The following PRP4K variants were observed in gnomAD, a reference collection of about 807,000 sequenced individuals.
The protein encoded by PRP4K is pre-mRNA processing factor kinase PRP4K, also known as serine/threonine-protein kinase PRP4 homolog.
the PRP4K span, chr6:4,064,115 A>G: frequency 6.6e-6 from 1 of 152,290 alleles, no homozygotes; most frequent in Admixed American, 6.5e-5. Context: ...TCACCCTTAA[A>G]TCGTTATTAA....
At chr6:4,063,731 T>C in the PRP4K span, 1 of 152,132 alleles carries the variant, frequency 6.6e-6, no homozygotes, top group Non-Finnish European at 1.5e-5. Context: ...TTTCCTACAC[T>C]CTGTAATTTT....
chr6:4,031,515 T>G, the PRP4K span: 3 of 1,339,470 alleles, frequency 2.2e-6, no homozygotes, highest in South Asian at 4.7e-5. Context: ...CTTTGAATAC[T>G]TGATAAATGA....
the PRP4K span, chr6:4,031,785 G>C: frequency 1.2e-6 from 2 of 1,610,726 alleles, no homozygotes; most frequent in South Asian, 1.1e-5. Context: ...TTCTGATAAA[G>C]AGGGTATGTC....
the PRP4K span, chr6:4,049,476 T>C: frequency 1.2e-5 from 6 of 483,900 alleles, no homozygotes; most frequent in Admixed American, 1.1e-4. Flanking sequence ...GGGACTACAA[T>C]TGGAAAAACT....
At chr6:4,064,131 C>T in the PRP4K span, 3 of 152,392 alleles carry the variant, frequency 2.0e-5, no homozygotes, top group African/African-American at 7.2e-5. Flanking sequence ...ATTAATACAT[C>T]CTGTTTTCTT....
the PRP4K span, among the ~76,000 whole-genome samples, chr6:4,038,691 T>C: frequency 2.0e-5 from 3 of 152,130 alleles, no homozygotes; most frequent in Non-Finnish European, 4.4e-5. Flanking sequence ...GAGCAAATAG[T>C]TGGGAGAGGA....
the PRP4K span, chr6:4,044,081 T>C: frequency 2.0e-6 from 3 of 1,511,474 alleles, no homozygotes; most frequent in Admixed American, 3.4e-5. Flanking sequence ...TGTAACTTTA[T>C]AATAAGAGAC....
chr6:4,052,880 C>G, the PRP4K span: 1 of 1,602,510 alleles, frequency 6.2e-7, no homozygotes, highest in Non-Finnish European at 8.5e-7. Context: ...CCTGGTAAGT[C>G]AAACAGCCAA....
chr6:4,038,900 CT>C, the PRP4K span, among the ~76,000 whole-genome samples: 1 of 145,292 alleles, frequency 6.9e-6, no homozygotes, highest in Non-Finnish European at 1.5e-5. Context: ...AGTTTATGGC[CT>C]TCTGGGAAAT....
chr6:4,050,321 C>T, the PRP4K span: 2 of 1,120 alleles, frequency 1.8e-3, 1 homozygote, highest in Non-Finnish European at 5.8e-3. Flanking sequence ...CCACCGCGCC[C>T]GGCCAGGAAA....
the PRP4K span, among the ~76,000 whole-genome samples, chr6:4,026,617 A>G: frequency 6.6e-6 from 1 of 152,096 alleles, no homozygotes; most frequent in African/African-American, 2.4e-5. Context: ...GTTATTCTAT[A>G]TATATAATTA....
the PRP4K span, among the ~76,000 whole-genome samples, chr6:4,037,131 T>A: frequency 2.0e-5 from 3 of 152,116 alleles, no homozygotes; most frequent in Non-Finnish European, 4.4e-5. Flanking sequence ...TTATTTGAAA[T>A]TAGAATCAGT....
the PRP4K span, among the ~76,000 whole-genome samples, chr6:4,038,814 T>G: frequency 6.6e-6 from 1 of 152,088 alleles, no homozygotes; most frequent in Non-Finnish European, 1.5e-5. Context: ...GTTCTGAAAT[T>G]TATTATGTGC....
chr6:4,060,306 G>GTA, the PRP4K span: 1 of 967,298 alleles, frequency 1.0e-6, no homozygotes, highest in Non-Finnish European at 1.5e-6. The surrounding 1 kb of genome is among the most constrained non-coding windows in gnomAD (Gnocchi z 4.7). Flanking sequence ...TATTTTGTAT[G>GTA]TATATGCATG....
the PRP4K span, chr6:4,032,864 A>T: frequency 8.2e-7 from 1 of 1,221,644 alleles, no homozygotes; most frequent in Non-Finnish European, 1.1e-6. Context: ...AAATAAAAAT[A>T]AATGAAGTAG....
chr6:4,047,199 C>A, the PRP4K span: 1 of 1,612,096 alleles, frequency 6.2e-7, no homozygotes, highest in African/African-American at 1.3e-5. Flanking sequence ...AAGTTGTTGG[C>A]ACCTGATATG....
chr6:4,021,555 AC>A, the PRP4K span: 1 of 1,518,400 alleles, frequency 6.6e-7, no homozygotes, highest in Non-Finnish European at 8.9e-7. Context: ...TTCGGGCCTA[AC>A]GGCGAGAGTC....
the PRP4K span, among the ~76,000 whole-genome samples, chr6:4,034,097 T>A: frequency 6.6e-6 from 1 of 152,206 alleles, no homozygotes; most frequent in African/African-American, 2.4e-5. Context: ...CTACCACTCC[T>A]TAGAAATTTA....
chr6:4,056,997 C>G, the PRP4K span: 1 of 1,494,596 alleles, frequency 6.7e-7, no homozygotes, highest in Non-Finnish European at 9.0e-7. Context: ...CGTCAGTTTT[C>G]TCTATCCTCG....
Sources: allele counts gnomAD v4.1 joint callset (sites outside exome capture counted in the v4.1 genomes callset), GRCh38; gene constraint gnomAD v4.1.1; non-coding constraint Gnocchi (gnomAD v3.1); transcripts MANE v1.5; gene names NCBI Gene and HGNC (gene_info 2026-07-23, HGNC 2026-07-21).